GAB4: variants seen among roughly 807,000 people sequenced by gnomAD.
GAB4 encodes the protein GRB2 associated binding protein family member 4, also known as GRB2-associated-binding protein 4.
In GAB4, 26 loss-of-function variants were observed where a neutral mutation model predicts 51.3. The observed-to-expected ratio is 0.51, with a 90% confidence interval of 0.37 to 0.70. The LOEUF (loss-of-function observed/expected upper bound fraction) is 0.70. Among genes scored for constraint, GAB4 ranks in the 30% least tolerant of loss-of-function variants. The pLI is 0.00. For synonymous variants in GAB4, 329 were observed against 291.2 expected, an observed-to-expected ratio of 1.13 and a Z score of -1.32; for missense variants, 759 against 734.6, an observed-to-expected ratio of 1.03 and a Z score of -0.38.
Position 16,965,215 on chromosome 22 carries a change from A to C in GAB4, c.1342T>G (p.Phe448Val). The change falls in exon 7 of 10, where the codon TTC (phenylalanine) becomes GTC (valine). Residue 448 changes from phenylalanine to valine, a missense_variant. Phe to Val is a conservative substitution (Grantham distance 50). Transcript: ENST00000400588. Reference sequence around the variant, plus strand: ...CAGGGCTCTGTGACAGGTGGCTTGAAGGAGAGCTCATTGATGACCCTGTTG... The same window carrying C: ...CAGGGCTCTGTGACAGGTGGCTTGACGGAGAGCTCATTGATGACCCTGTTG... ...RNNRVINELS[F>V]KPPVTEPWSG... 6.2e-7 allele frequency: 1 copy of C among 1,614,046 alleles called. No homozygotes were observed. Among genetic ancestry groups the C allele is most frequent in the Non-Finnish European group, 8.5e-7 (1 of 1,179,960 alleles).
chr22:17,003,673 T>G (rs1330995855), intron 1 of GAB4, among the ~76,000 whole-genome samples: 1 of 152,150 alleles, frequency 6.6e-6, no homozygotes, highest in African/African-American at 2.4e-5. Context: ...GGGACACAGC[T>G]AAAGCAGTGT....
chr22:16,994,373 G>A (rs2060935376), intron 1 of GAB4, among the ~76,000 whole-genome samples: 1 of 152,210 alleles, frequency 6.6e-6, no homozygotes, highest in Non-Finnish European at 1.5e-5. Flanking sequence ...AGACAGGATA[G>A]AGCTGAGGAA....
At chr22:16,965,699 C>G (rs935857211) in intron 6 of GAB4, among the ~76,000 whole-genome samples, 1 of 152,226 alleles carries the variant, frequency 6.6e-6, no homozygotes, top group African/African-American at 2.4e-5. Context: ...TCCAGCGCCA[C>G]TCGCTGGGTC....
chr22:16,969,211 G>T (rs1016562840), intron 4 of GAB4, among the ~76,000 whole-genome samples: 4 of 152,224 alleles, frequency 2.6e-5, no homozygotes, highest in African/African-American at 9.7e-5. Flanking sequence ...ATATTTTGAA[G>T]ATCTCATTTT....
At chr22:16,986,862 T>A (rs2060872268) in intron 3 of GAB4, among the ~76,000 whole-genome samples, 1 of 152,172 alleles carries the variant, frequency 6.6e-6, no homozygotes, top group African/African-American at 2.4e-5. Flanking sequence ...GAACTAGCCT[T>A]CAGATTGAGT....
chr22:16,981,348 T>C (rs2123684178), intron 3 of GAB4, among the ~76,000 whole-genome samples: 1 of 151,998 alleles, frequency 6.6e-6, no homozygotes. Flanking sequence ...ACAAAAACTT[T>C]GCTTTTTTGA....
chr22:16,973,888 C>T (rs2060755079), intron 3 of GAB4, among the ~76,000 whole-genome samples: 1 of 152,212 alleles, frequency 6.6e-6, no homozygotes, highest in Non-Finnish European at 1.5e-5. Flanking sequence ...TACTCCTAGC[C>T]AACCATGTCC....
chr22:16,975,887 A>T (rs565589489), intron 3 of GAB4, among the ~76,000 whole-genome samples: 54 of 152,298 alleles, frequency 3.5e-4, no homozygotes, highest in African/African-American at 1.3e-3. Flanking sequence ...GGTGATACAG[A>T]GTCTGGAGTG....
intron 2 of GAB4, 47 bp downstream of exon 2, chr22:16,991,826 G>A (rs1169505792): frequency 6.8e-7 from 1 of 1,466,400 alleles, no homozygotes; most frequent in South Asian, 1.3e-5. Context: ...AGATTGGAGG[G>A]CCTCATCTCA....
intron 8 of GAB4, 106 bp downstream of exon 8, chr22:16,964,660 T>C (rs2060656889): frequency 1.4e-6 from 1 of 715,014 alleles, no homozygotes; most frequent in Non-Finnish European, 2.4e-6. Flanking sequence ...CACACCTGAC[T>C]GGGCTGGGGT....
At chr22:16,981,444 C>G (rs1219825674) in intron 3 of GAB4, among the ~76,000 whole-genome samples, 1 of 151,942 alleles carries the variant, frequency 6.6e-6, no homozygotes, top group African/African-American at 2.4e-5. Flanking sequence ...AAAAAGGAGA[C>G]ATTACATCTG....
intron 3 of GAB4, among the ~76,000 whole-genome samples, chr22:16,974,933 A>G (rs2060764568): frequency 6.6e-6 from 1 of 152,158 alleles, no homozygotes; most frequent in African/African-American, 2.4e-5. Flanking sequence ...TCCCTTAGCC[A>G]AGGGAAGCCG....
rs958411669 is a variant in GAB4, at chr22:16,992,299, G to T, written c.175-123C>A. 11 of 815,264 alleles carry T rather than the reference G, an allele frequency of 1.3e-5. No homozygotes were observed. In the African/African-American group the frequency reaches 1.7e-4, roughly 13 times the overall value. The allele number at this position is 815,264 out of a possible 1,614,324, so 50.5% of individuals were successfully genotyped here. A position where few individuals can be genotyped will look rare whatever the true frequency, so the allele number is the denominator to read the frequency against. On this transcript the variant is annotated intron_variant, in intron 1 of 9. Transcript: ENST00000400588. ...GCACTCAGCCTATGTCTCCCTTTCG[G>T]ATTTCCCCAGTTTCAAAGGTGGAGA...
At position 16,970,178 on chromosome 22, in the gene GAB4, G is replaced by T; in HGVS notation, c.702C>A (p.Ser234=). The T allele has an allele frequency of 6.2e-7, 1 of 1,614,124 alleles. No individual in the cohort carries two copies. The highest frequency in any genetic ancestry group is 8.5e-7 in the Non-Finnish European group (1 of 1,180,002). ...RAEHARSASF[S]QGSEAPFIMR... The stretch of plus-strand genomic sequence containing the variant: ...TGATGAATGGGGCCTCAGAACCCTG[G>T]GAGAAGCTGGCACTCCTAAGAGAGA... Residue 234 remains serine, a synonymous_variant, in exon 4 of 10, where the codon TCC becomes TCA. Coordinates refer to ENST00000400588, the MANE Select transcript of GAB4 (RefSeq NM_001037814.1).
At chr22:16,977,823 A>C (rs1472334550) in intron 3 of GAB4, among the ~76,000 whole-genome samples, 1 of 152,238 alleles carries the variant, frequency 6.6e-6, no homozygotes, top group Non-Finnish European at 1.5e-5. Context: ...AATCATAACA[A>C]ACAGTCTCTC....
At chr22:17,007,796 G>A (rs1302654616) in intron 1 of GAB4, 145 bp downstream of exon 1, 2 of 704,988 alleles carry the variant, frequency 2.8e-6, no homozygotes, top group South Asian at 2.1e-5. Context: ...TCTCACTGGC[G>A]GGGAGTCGCC....
intron 4 of GAB4, chr22:16,969,688 T>C: frequency 1.5e-6 from 1 of 652,130 alleles, no homozygotes; most frequent in Non-Finnish European, 2.7e-6. Context: ...GACCACCTGC[T>C]ACTTTCACTG....
chr22:16,995,069 A>G (rs1303453720), intron 1 of GAB4, among the ~76,000 whole-genome samples: 1 of 152,196 alleles, frequency 6.6e-6, no homozygotes, highest in Admixed American at 6.5e-5. Flanking sequence ...CCAACTTTGC[A>G]TTCATCCTAT....
chr22:16,962,359 C>T lies in GAB4; in HGVS notation c.*374G>A, dbSNP rs2060636248. On this transcript the variant is annotated 3_prime_UTR_variant, in exon 10 of 10. Coordinates refer to ENST00000400588, the MANE Select transcript of GAB4 (RefSeq NM_001037814.1). ...TGAAAAGGTCCATGTCCACTGTGGC[C>T]TGTGGGCCTTGGGTCCCCGGGTCAG... 1.1e-5 allele frequency: 2 copies of T among 173,964 alleles called. No individual in the cohort carries two copies. Among genetic ancestry groups the T allele is most frequent in the Admixed American group, 6.2e-5 (1 of 16,204 alleles). The allele number at this position is 173,964 out of a possible 1,614,324, so 10.8% of individuals were successfully genotyped here. A position where few individuals can be genotyped will look rare whatever the true frequency, so the allele number is the denominator to read the frequency against.
Sources: gnomAD v4.1 joint callset for allele counts (sites outside exome capture counted in the v4.1 genomes callset) on GRCh38, gnomAD v4.1.1 for gene constraint, MANE v1.5 for transcripts, NCBI Gene and HGNC (gene_info 2026-07-23, HGNC 2026-07-21) for gene names.